Variants in NAA11 observed in about 807,000 individuals in gnomAD.
NAA11 encodes N-alpha-acetyltransferase 11.
Under a neutral mutation model 16.1 loss-of-function variants are expected in NAA11, and 15 were observed. The observed-to-expected ratio is 0.93, with a 90% CI of 0.62 to 1.44. NAA11 has a LOEUF of 1.44. Among genes scored for constraint, NAA11 ranks in the 40% most tolerant of loss-of-function variants. The pLI is 0.00. For missense variants in NAA11, 298 were observed against 291.3 expected (o/e 1.02, Z -0.17); for synonymous variants, 122 against 112.4 (o/e 1.09, Z -0.54).
chr4:79,260,213 A>C (rs1722217069), intron 2 of NAA11, among the ~76,000 whole-genome samples: 1 of 152,142 alleles, frequency 6.6e-6, no homozygotes, highest in Non-Finnish European at 1.5e-5. Context: ...TAACACATAC[A>C]TTGTGTGACT....
At chr4:79,241,284 G>A (rs1280486713) in intron 2 of NAA11, among the ~76,000 whole-genome samples, 1 of 151,980 alleles carries the variant, frequency 6.6e-6, no homozygotes, top group Middle Eastern at 3.2e-3. Flanking sequence ...TTACTTTATT[G>A]TGAGAATGCA....
the NAA11 span, among the ~76,000 whole-genome samples, chr4:79,172,929 T>TTA: frequency 6.6e-6 from 1 of 152,054 alleles, no homozygotes; most frequent in Non-Finnish European, 1.5e-5. Context: ...AGAGCTTAAA[T>TTA]AACTCAAATT....
intron 2 of NAA11, among the ~76,000 whole-genome samples, chr4:79,286,395 T>A (rs1722907450): frequency 6.6e-6 from 1 of 152,086 alleles, no homozygotes; most frequent in East Asian, 1.9e-4. Context: ...GATGTTTGCC[T>A]TGTGTATTCT....
intron 2 of NAA11, among the ~76,000 whole-genome samples, chr4:79,262,885 A>G (rs1216191805): frequency 6.6e-6 from 1 of 152,164 alleles, no homozygotes; most frequent in Non-Finnish European, 1.5e-5. Context: ...AGTATTTATT[A>G]AGTGAGTATT....
intron 2 of NAA11, among the ~76,000 whole-genome samples, chr4:79,289,268 A>G (rs930363800): frequency 4.6e-5 from 7 of 152,226 alleles, no homozygotes; most frequent in African/African-American, 1.4e-4. Context: ...TGCCTTCTAC[A>G]TGACTCTGAT....
intron 2 of NAA11, among the ~76,000 whole-genome samples, chr4:79,253,659 G>T (rs1471047811): frequency 1.3e-5 from 2 of 152,240 alleles, no homozygotes; most frequent in African/African-American, 4.8e-5. Flanking sequence ...TCCTACGACA[G>T]AATATTCAAG....
chr4:79,200,852 C>T, the NAA11 span, among the ~76,000 whole-genome samples: 2 of 151,480 alleles, frequency 1.3e-5, no homozygotes, highest in Admixed American at 6.6e-5. Context: ...TAGCTCATGA[C>T]AAAATTGGTT....
rs79208895 is a variant in NAA11, at chr4:79,319,498, T to A, written c.*13-1707A>T. Among the ~76,000 whole-genome samples, 1,452 of 152,310 alleles carry A rather than the reference T, an allele frequency of 9.5e-3. 143 individuals are homozygous for A. In the East Asian group the frequency reaches 0.24, roughly 25 times the overall value. On this transcript the variant is annotated intron_variant, in intron 1 of 1. Coordinates refer to ENST00000286794, the MANE Select transcript of NAA11 (RefSeq NM_032693.3). ...TTCAAAGAATTTTAAATATTCTATC[T>A]AACCTCCTGTACCATAAAGCCCATT... is the stretch of plus-strand genomic sequence containing the variant.
At chr4:79,167,142 ATATATATATATATG>A in the NAA11 span, among the ~76,000 whole-genome samples, 100 of 64,506 alleles carry the variant, frequency 1.6e-3, 28 homozygotes, top group South Asian at 4.8e-3. Flanking sequence ...TTATATATAT[ATATATATATATATG>A]TATATGGAGA....
At chr4:79,253,245 T>C (rs2109969219) in intron 2 of NAA11, among the ~76,000 whole-genome samples, 1 of 152,330 alleles carries the variant, frequency 6.6e-6, no homozygotes. Context: ...CTAGTTTGAA[T>C]GTGTTACACT....
At chr4:79,161,479 C>T in the NAA11 span, among the ~76,000 whole-genome samples, 4 of 152,046 alleles carry the variant, frequency 2.6e-5, no homozygotes, top group African/African-American at 9.7e-5. Flanking sequence ...TTATTTTTTT[C>T]CAAGGGTGTT....
intron 2 of NAA11, among the ~76,000 whole-genome samples, chr4:79,241,746 C>T (rs1721700290): frequency 6.6e-6 from 1 of 152,118 alleles, no homozygotes; most frequent in Non-Finnish European, 1.5e-5. Context: ...GTAAGAACTG[C>T]ATCACTTGTA....
At chr4:79,270,021 C>CG (rs1560437681) in intron 2 of NAA11, among the ~76,000 whole-genome samples, 1 of 151,032 alleles carries the variant, frequency 6.6e-6, no homozygotes, top group East Asian at 1.9e-4. Context: ...TGTAGGTATG[C>CG]GGCGTTATTT....
Position 79,325,861 on chromosome 4 carries a change from G to A in NAA11, c.17C>T (p.Ala6Val), listed in dbSNP as rs1320832347. Residue 6 changes from alanine to valine, a missense_variant, in exon 1 of 2, where the codon GCT (alanine) becomes GTT (valine). Physicochemically the swap from Ala to Val is moderately conservative, Grantham distance 64. Coordinates refer to ENST00000286794, the MANE Select transcript of NAA11 (RefSeq NM_032693.3). ...CATATTCATCAGGTCGTCTGGCTGA[G>A]CGTTGCGGATGTTCATAATGGCAGA... Reference protein sequence around the residue: MNIRNAQPDDLMNMQH... With the variant: MNIRNVQPDDLMNMQH... The A allele has an allele frequency of 2.5e-6, 4 of 1,610,784 alleles. No individual in the cohort carries two copies. Among genetic ancestry groups the A allele is most frequent in the Non-Finnish European group, 3.4e-6 (4 of 1,178,054 alleles).
At chr4:79,316,139 C>A (rs1008359420), downstream of NAA11, among the ~76,000 whole-genome samples, 1 of 152,178 alleles carries the variant, frequency 6.6e-6, no homozygotes, top group East Asian at 1.9e-4. Context: ...GCTGTTAACA[C>A]AAAGACATAT....
At chr4:79,213,087 A>G in the NAA11 span, among the ~76,000 whole-genome samples, 1 of 152,138 alleles carries the variant, frequency 6.6e-6, no homozygotes, top group East Asian at 1.9e-4. Context: ...GGTATAAAAA[A>G]TTTTATACTG....
chr4:79,264,142 A>G (rs1722295450), intron 2 of NAA11, among the ~76,000 whole-genome samples: 1 of 152,244 alleles, frequency 6.6e-6, no homozygotes, highest in South Asian at 2.1e-4. Flanking sequence ...AAGTACAACC[A>G]TGAACCATTG....
At chr4:79,279,366 A>G (rs1218909247) in intron 2 of NAA11, among the ~76,000 whole-genome samples, 1 of 152,108 alleles carries the variant, frequency 6.6e-6, no homozygotes, top group Non-Finnish European at 1.5e-5. Context: ...AGGTTACAGC[A>G]AGTGGTGGAG....
chr4:79,254,893 G>A (rs187480580), intron 2 of NAA11, among the ~76,000 whole-genome samples: 1 of 152,030 alleles, frequency 6.6e-6, no homozygotes, highest in Admixed American at 6.5e-5. Flanking sequence ...TCATAAGTTG[G>A]TATTATTATC....
Sources: allele counts gnomAD v4.1 joint callset (sites outside exome capture counted in the v4.1 genomes callset), GRCh38; gene constraint gnomAD v4.1.1; transcripts MANE v1.5; gene names NCBI Gene and HGNC (gene_info 2026-07-23, HGNC 2026-07-21).